The following NELL1 variants were observed in gnomAD, a reference collection of about 807,000 sequenced individuals.
The protein encoded by NELL1 is neural EGFL like 1.
NELL1 carries 76 observed loss-of-function variants against 107.4 expected under a neutral mutation model. The ratio of observed to expected loss-of-function variants is 0.71; its 90% CI spans 0.59 to 0.86. The LOEUF (loss-of-function observed/expected upper bound fraction) is 0.86. Among genes scored for constraint, NELL1 ranks in the 40% least tolerant of loss-of-function variants. The pLI is 0.00. For synonymous variants in NELL1, 353 were observed against 341.2 expected (o/e 1.03, Z -0.38); for missense variants, 1,024 against 1,005.5 (o/e 1.02, Z -0.25).
At chr11:20,778,498 CT>C (rs1161737750) in intron 2 of NELL1, among the ~76,000 whole-genome samples, 1,995 of 73,040 alleles carry the variant, frequency 0.027, 8 homozygotes, top group African/African-American at 0.037. Flanking sequence ...TCACCCAGCA[CT>C]TTTTTTTTTT....
intron 11 of NELL1, among the ~76,000 whole-genome samples, chr11:20,956,204 G>A (rs1398781960): frequency 6.6e-6 from 1 of 152,066 alleles, no homozygotes; most frequent in African/African-American, 2.4e-5. Flanking sequence ...GGGTGACAGA[G>A]TGAGACTTCG....
intron 2 of NELL1, among the ~76,000 whole-genome samples, chr11:20,709,920 A>G (rs1352819572): frequency 6.6e-6 from 1 of 152,108 alleles, no homozygotes; most frequent in African/African-American, 2.4e-5. Context: ...TCTTTACTGA[A>G]TTCATTTGTC....
At chr11:21,004,093 T>C (rs1433605942) in intron 12 of NELL1, among the ~76,000 whole-genome samples, 1 of 152,162 alleles carries the variant, frequency 6.6e-6, no homozygotes, top group Non-Finnish European at 1.5e-5. Context: ...GAATAGATTG[T>C]TGTCCCATCT....
chr11:21,128,357 T>C (rs896287978), intron 13 of NELL1, among the ~76,000 whole-genome samples: 52 of 152,088 alleles, frequency 3.4e-4, no homozygotes, highest in East Asian at 3.1e-3. Context: ...TTAGCATTTT[T>C]CCCCCCTTTT....
At chr11:21,192,881 C>T (rs1857076611) in intron 13 of NELL1, among the ~76,000 whole-genome samples, 1 of 151,864 alleles carries the variant, frequency 6.6e-6, no homozygotes, top group Non-Finnish European at 1.5e-5. Flanking sequence ...ACAAAATGTG[C>T]TCATCCATTT....
chr11:20,892,085 C>G (rs1016649649), intron 5 of NELL1, among the ~76,000 whole-genome samples: 23 of 152,184 alleles, frequency 1.5e-4, no homozygotes, highest in African/African-American at 4.8e-4. Context: ...CCACATGACT[C>G]TTATTCTAAA....
chr11:20,971,597 C>T (rs1053634933), intron 12 of NELL1, among the ~76,000 whole-genome samples: 2 of 152,062 alleles, frequency 1.3e-5, no homozygotes, highest in Non-Finnish European at 2.9e-5. Flanking sequence ...AGCTTCCTGG[C>T]GAAGCTTGCC....
At position 21,074,007 on chromosome 11, in the gene NELL1, T is replaced by A. The variant is rs572145050; in HGVS notation, c.1301-39582T>A. 4.1e-3 allele frequency among the ~76,000 whole-genome samples: 618 copies of A among 152,218 alleles called. 9 individuals are homozygous for A. The highest frequency in any genetic ancestry group is 0.014 in the African/African-American group (584 of 41,550). On this transcript the variant is annotated intron_variant, in intron 12 of 19. Coordinates refer to ENST00000357134, the MANE Select transcript of NELL1 (RefSeq NM_006157.5). ...GTGTTGAATGTCAAGTAGTCAGAAA[T>A]TTTTTAAAAATTGGAATTATATACT... is the stretch of plus-strand genomic sequence containing the variant.
intron 14 of NELL1, among the ~76,000 whole-genome samples, chr11:21,231,000 C>T (rs369284612): frequency 2.5e-4 from 38 of 152,206 alleles, no homozygotes; most frequent in African/African-American, 8.7e-4. Flanking sequence ...ACCAAAATAT[C>T]CATCAGTCTT....
chr11:21,011,238 A>G (rs1852439407), intron 12 of NELL1, among the ~76,000 whole-genome samples: 1 of 152,146 alleles, frequency 6.6e-6, no homozygotes. Context: ...CTCCTGGTCT[A>G]GCCCAGAGTT....
At chr11:21,275,560 A>G (rs181775890) in intron 14 of NELL1, among the ~76,000 whole-genome samples, 2 of 152,246 alleles carry the variant, frequency 1.3e-5, no homozygotes. Context: ...TGAGGCCAGC[A>G]TCATCCTGAT....
intron 15 of NELL1, among the ~76,000 whole-genome samples, chr11:21,408,094 G>T (rs757583737): frequency 6.6e-6 from 1 of 151,936 alleles, no homozygotes; most frequent in Non-Finnish European, 1.5e-5. Flanking sequence ...TGCTCATGGA[G>T]AGCAGCATGA....
chr11:21,464,436 A>G (rs1853976412), intron 15 of NELL1, among the ~76,000 whole-genome samples: 1 of 151,388 alleles, frequency 6.6e-6, no homozygotes, highest in Non-Finnish European at 1.5e-5. Context: ...GAGTAATAGC[A>G]TAGAGCCAGT....
At chr11:21,496,661 A>G (rs1206717903) in intron 15 of NELL1, among the ~76,000 whole-genome samples, 3 of 151,688 alleles carry the variant, frequency 2.0e-5, no homozygotes. Context: ...CACTTGCCTC[A>G]CCCTCCCAAA....
intron 12 of NELL1, among the ~76,000 whole-genome samples, chr11:21,110,080 C>T (rs1347699919): frequency 6.6e-6 from 1 of 152,102 alleles, no homozygotes; most frequent in Admixed American, 6.6e-5. Flanking sequence ...ACCATTTTTA[C>T]CACAAGATAG....
chr11:20,994,389 A>G (rs1852044465), intron 12 of NELL1, among the ~76,000 whole-genome samples: 1 of 152,252 alleles, frequency 6.6e-6, no homozygotes, highest in Non-Finnish European at 1.5e-5. Flanking sequence ...TGTAGTGATC[A>G]GTGCTTCTAC....
At chr11:21,074,926 G>T (rs1015956047) in intron 12 of NELL1, among the ~76,000 whole-genome samples, 1 of 152,226 alleles carries the variant, frequency 6.6e-6, no homozygotes, top group Non-Finnish European at 1.5e-5. Flanking sequence ...GAAATTCAGA[G>T]AATTCTCTGA....
chr11:21,247,923 C>T (rs1858535822), intron 14 of NELL1, among the ~76,000 whole-genome samples: 2 of 152,026 alleles, frequency 1.3e-5, no homozygotes, highest in African/African-American at 2.4e-5. Context: ...TCTTATGGGA[C>T]CACCATTTTA....
chr11:21,197,418 CAAAAAA>C (rs58951508), intron 13 of NELL1, among the ~76,000 whole-genome samples: 1 of 142,666 alleles, frequency 7.0e-6, no homozygotes. Flanking sequence ...AACAAACAAC[CAAAAAA>C]AAAAAAAAAA....
Sources: gnomAD v4.1 joint callset for allele counts (sites outside exome capture counted in the v4.1 genomes callset) on GRCh38, gnomAD v4.1.1 for gene constraint, MANE v1.5 for transcripts, NCBI Gene and HGNC (gene_info 2026-07-23, HGNC 2026-07-21) for gene names.